SDS: variants seen among roughly 807,000 people sequenced by gnomAD.
The protein encoded by SDS is L-serine dehydratase/L-threonine deaminase.
In SDS, 19 loss-of-function variants were observed where a neutral mutation model predicts 29.3. That is an observed-to-expected ratio of 0.65 (90% CI 0.45 to 0.95). The LOEUF is 0.95. Ranked by LOEUF, SDS falls within the 40% of genes least tolerant of loss-of-function variation. The pLI, the probability that SDS is intolerant of heterozygous loss-of-function variation, is 0.00. For synonymous variants in SDS, 176 were observed against 189.0 expected (o/e 0.93, Z 0.56); for missense variants, 375 against 439.9 (o/e 0.85, Z 1.32).
intron 7 of SDS, 114 bp downstream of exon 7, chr12:113,393,778 A>G (rs1287635679): frequency 2.1e-6 from 3 of 1,405,474 alleles, no homozygotes; most frequent in Admixed American, 1.9e-5. Context: ...CAGAGGTGGA[A>G]GACAGAACTG....
chr12:113,394,306 C>T (rs34219581), intron 6 of SDS, among the ~76,000 whole-genome samples: 8,342 of 148,936 alleles, frequency 0.056, 295 homozygotes, highest in Middle Eastern at 0.1. Context: ...GTTGCCCAGG[C>T]GGGTTTTTGT....
At chr12:113,402,475 T>C (rs985681829) in intron 1 of SDS, among the ~76,000 whole-genome samples, 2 of 152,186 alleles carry the variant, frequency 1.3e-5, no homozygotes, top group African/African-American at 2.4e-5. Flanking sequence ...GCATTTTTAG[T>C]GGAGACAAGG....
chr12:113,395,081 G>C (rs1003982097), intron 6 of SDS, among the ~76,000 whole-genome samples: 4 of 152,236 alleles, frequency 2.6e-5, no homozygotes, highest in Non-Finnish European at 4.4e-5. Context: ...CTGAGGCAGA[G>C]AGTGTACAGT....
intron 6 of SDS, among the ~76,000 whole-genome samples, 200 bp from the exon 7 acceptor site, chr12:113,394,216 T>G (rs1160647817): frequency 6.6e-6 from 1 of 152,208 alleles, no homozygotes; most frequent in African/African-American, 2.4e-5. Context: ...TCTAATAAGG[T>G]GCAGAGTGTT....
intron 6 of SDS, 52 bp downstream of exon 6, chr12:113,397,113 G>C: frequency 6.7e-7 from 1 of 1,493,552 alleles, no homozygotes; most frequent in Middle Eastern, 1.7e-4. Flanking sequence ...AGCCCTAAGG[G>C]GGACTCCCCA....
intron 5 of SDS, among the ~76,000 whole-genome samples, chr12:113,397,635 C>T (rs1221924784): frequency 3.9e-5 from 6 of 152,178 alleles, no homozygotes; most frequent in African/African-American, 7.2e-5. Context: ...CCAATGGCTA[C>T]GAGTCGGTGT....
At chr12:113,396,908 G>A (rs1957650276) in intron 6 of SDS, 1 of 540,270 alleles carries the variant, frequency 1.9e-6, no homozygotes, top group South Asian at 2.6e-5. Context: ...CAAAGTGCTG[G>A]GATTACAGGC....
intron 6 of SDS, among the ~76,000 whole-genome samples, chr12:113,395,549 A>G (rs974426687): frequency 5.3e-5 from 8 of 152,206 alleles, no homozygotes; most frequent in African/African-American, 1.9e-4. Context: ...GTTCAGGCCA[A>G]CGAAAGGTAA....
intron 1 of SDS, among the ~76,000 whole-genome samples, chr12:113,402,712 C>T (rs965814315): frequency 2.0e-5 from 3 of 152,194 alleles, no homozygotes; most frequent in Non-Finnish European, 2.9e-5. Flanking sequence ...CCTCTCTCGC[C>T]GTTTGTCCCA....
chr12:113,401,491 C>T (rs1593299581), intron 1 of SDS, among the ~76,000 whole-genome samples: 1 of 152,284 alleles, frequency 6.6e-6, no homozygotes, highest in South Asian at 2.1e-4. Context: ...CTCAGCCTCC[C>T]AAACTGCTGG....
chr12:113,397,262 C>G lies in SDS; in HGVS notation c.556G>C (p.Gly186Arg). Residue 186 changes from glycine (G) to arginine (R), a missense_variant, in exon 6 of 8, where the codon GGG becomes CGG. By Grantham distance (125) the Gly-to-Arg change is moderately radical. Coordinates refer to ENST00000257549, the MANE Select transcript of SDS (RefSeq NM_006843.3). ...TCCATGGCGATGACAGGCACGTCCC[C>G]CCAGCCCACCTCCTGCAGCCCCTGG... ...VVQGLQEVGW[G>R]DVPVIAMETF... The G allele has an allele frequency of 1.2e-6, 2 of 1,614,210 alleles. No individual in the cohort carries two copies. Among genetic ancestry groups the G allele is most frequent in the Non-Finnish European group, 1.7e-6 (2 of 1,180,036 alleles).
rs533050570 is a variant in SDS, at chr12:113,401,386, C to T, written c.-2-1676G>A. On this transcript the variant is annotated intron_variant, in intron 1 of 7. Transcript: ENST00000257549. The stretch of plus-strand genomic sequence containing the variant: ...AGCTTTTAAATTTTATTCATTCATT[C>T]ATTCATTCATTCATTCATTCATTCC... Among the ~76,000 whole-genome samples the T allele has an allele frequency of 7.9e-3, 1,203 of 152,056 alleles. 8 individuals are homozygous for T. The highest frequency in any genetic ancestry group is 0.019 in the South Asian group (93 of 4,814).
chr12:113,402,290 C>T (rs2136937035), intron 1 of SDS, among the ~76,000 whole-genome samples: 1 of 152,166 alleles, frequency 6.6e-6, no homozygotes, highest in South Asian at 2.1e-4. Context: ...ACAATGGGAT[C>T]CCGGTTTTTA....
Position 113,392,870 on chromosome 12 carries a change from G to T in SDS, c.*71C>A, listed in dbSNP as rs1385713072. ...TGCTCAGCCAAACATACGACGAGGC[G>T]CTGGATAAAACTCCAGCCCCTCCAG... On this transcript the variant is annotated 3_prime_UTR_variant, in exon 8 of 8. Transcript: ENST00000257549. 1.4e-6 allele frequency: 2 copies of T among 1,418,106 alleles called. No homozygotes were observed. Among genetic ancestry groups the T allele is most frequent in the Non-Finnish European group, 2.0e-6 (2 of 1,016,004 alleles). The allele number at this position is 1,418,106 out of a possible 1,614,324, so 87.8% of individuals were successfully genotyped here.
chr12:113,396,336 CCCT>C (rs1957643544), intron 6 of SDS, among the ~76,000 whole-genome samples: 1 of 148,744 alleles, frequency 6.7e-6, no homozygotes, highest in Non-Finnish European at 1.5e-5. Flanking sequence ...CTCCCTCCCT[CCCT>C]TTTTCCTTTC....
rs73194894 is a variant in SDS, at chr12:113,397,055, A to G, written c.653+110T>C. The G allele has an allele frequency of 7.4e-3, 7,481 of 1,006,006 alleles. 44 individuals are homozygous for G. The highest frequency in any genetic ancestry group is 9.8e-3 in the Non-Finnish European group (6,536 of 668,176). The allele number at this position is 1,006,006 out of a possible 1,614,324, so 62.3% of individuals were successfully genotyped here. On this transcript the variant is annotated intron_variant, in intron 6 of 7. Transcript: ENST00000257549. ...CCCTGGGCAAGCGATCAAAGCCTCC[A>G]TTGTCTCATCTGTGAAACAGGCTGA...
At chr12:113,396,882 T>C (rs1016955377) in intron 6 of SDS, 1 of 504,972 alleles carries the variant, frequency 2.0e-6, no homozygotes, top group Non-Finnish European at 3.6e-6. Context: ...CAAGTGATCT[T>C]CCTGCCTCAG....
intron 3 of SDS, 92 bp from the exon 4 acceptor site, chr12:113,398,938 C>T: frequency 1.3e-6 from 2 of 1,518,356 alleles, no homozygotes; most frequent in East Asian, 4.9e-5. Flanking sequence ...CTCTGGAGTT[C>T]CCCCCTCACC....
chr12:113,401,469 C>T (rs957343697), intron 1 of SDS, among the ~76,000 whole-genome samples: 9 of 152,066 alleles, frequency 5.9e-5, no homozygotes, highest in South Asian at 2.1e-4. Context: ...TGGCCTCAAG[C>T]GTTCTGCCCA....
Sources: gnomAD v4.1 joint callset for allele counts (sites outside exome capture counted in the v4.1 genomes callset) on GRCh38, gnomAD v4.1.1 for gene constraint, MANE v1.5 for transcripts, NCBI Gene and HGNC (gene_info 2026-07-23, HGNC 2026-07-21) for gene names.